Variants in NBAS observed in about 807,000 individuals in gnomAD.
NBAS encodes NAG/BC035112 fusion.
In NBAS, 219 loss-of-function variants were observed where a neutral mutation model predicts 302.5. That is an observed-to-expected ratio of 0.72 (90% CI 0.65 to 0.81). NBAS has a LOEUF of 0.81. Among genes scored for constraint, NBAS ranks in the 30% least tolerant of loss-of-function variants. The pLI is 0.00. For missense variants in NBAS, 2,932 were observed against 2,841.6 expected, an observed-to-expected ratio of 1.03 and a Z score of -0.72; for synonymous variants, 1,118 against 1,021.6, an observed-to-expected ratio of 1.09 and a Z score of -1.80.
At chr2:15,499,590 C>T (rs1345591638) in intron 11 of NBAS, among the ~76,000 whole-genome samples, 1 of 151,962 alleles carries the variant, frequency 6.6e-6, no homozygotes, top group East Asian at 1.9e-4. Context: ...TAGAAGGGAA[C>T]AACACATACT....
At chr2:14,975,012 TG>T in the NBAS span, among the ~76,000 whole-genome samples, 1 of 152,180 alleles carries the variant, frequency 6.6e-6, no homozygotes, top group South Asian at 2.1e-4. Context: ...GGAATTCGGC[TG>T]GGTTGGCCCC....
At chr2:15,253,387 G>A (rs909216779) in intron 44 of NBAS, among the ~76,000 whole-genome samples, 18 of 152,218 alleles carry the variant, frequency 1.2e-4, no homozygotes, top group African/African-American at 4.3e-4. Context: ...GCAAATGTGT[G>A]TATGCGTGTG....
chr2:15,199,896 A>ATTTTTTT (rs35760010), intron 48 of NBAS, among the ~76,000 whole-genome samples: 71 of 121,448 alleles, frequency 5.8e-4, no homozygotes, highest in Non-Finnish European at 1.0e-3. Context: ...AGAAAGCTGG[A>ATTTTTTT]TTTTTTTTTT....
rs78435282 is a variant in NBAS at position 15,361,197 on chromosome 2, T to C, written c.3818-4781A>G. 4.6e-3 allele frequency among the ~76,000 whole-genome samples: 696 copies of C among 152,294 alleles called. 2 individuals are homozygous for C. Among genetic ancestry groups the C allele is most frequent in the Non-Finnish European group, 7.6e-3 (516 of 68,024 alleles). Reference sequence around the variant, plus strand: ...AATTTCATGTACCATTGCTGTGCAGTACGACTGTAAATTCTCAATTAAACA... The same window carrying C: ...AATTTCATGTACCATTGCTGTGCAGCACGACTGTAAATTCTCAATTAAACA... On this transcript the variant is annotated intron_variant, in intron 32 of 51. Coordinates refer to ENST00000281513, the MANE Select transcript of NBAS (RefSeq NM_015909.4).
At chr2:14,926,353 A>C in the NBAS span, among the ~76,000 whole-genome samples, 1 of 152,152 alleles carries the variant, frequency 6.6e-6, no homozygotes, top group African/African-American at 2.4e-5. Flanking sequence ...TCAAAGAGCA[A>C]CAAAGTCAGC....
the NBAS span, among the ~76,000 whole-genome samples, chr2:15,018,535 A>C: frequency 6.6e-6 from 1 of 152,088 alleles, no homozygotes; most frequent in Non-Finnish European, 1.5e-5. Flanking sequence ...TTATACACAT[A>C]ATAATTTCTG....
intron 21 of NBAS, among the ~76,000 whole-genome samples, chr2:15,435,495 T>C (rs949988778): frequency 3.3e-5 from 5 of 152,296 alleles, no homozygotes; most frequent in East Asian, 3.9e-4. Context: ...CCCTGAGAGA[T>C]AGACAATATT....
chr2:15,259,106 T>C (rs541714640), intron 44 of NBAS, among the ~76,000 whole-genome samples: 1 of 152,316 alleles, frequency 6.6e-6, no homozygotes, highest in Non-Finnish European at 1.5e-5. Context: ...TGATCAAATA[T>C]ATGCTGCAAT....
the NBAS span, among the ~76,000 whole-genome samples, chr2:14,842,869 T>C: frequency 7.0e-6 from 1 of 143,756 alleles, no homozygotes; most frequent in Non-Finnish European, 1.5e-5. Context: ...AAAAAACATA[T>C]ACAGCAATAT....
At chr2:15,028,927 G>C in the NBAS span, among the ~76,000 whole-genome samples, 1 of 152,052 alleles carries the variant, frequency 6.6e-6, no homozygotes. Flanking sequence ...AATGTGACTG[G>C]AATAACAGCA....
At chr2:15,207,793 A>G (rs1666216300) in intron 48 of NBAS, among the ~76,000 whole-genome samples, 1 of 152,206 alleles carries the variant, frequency 6.6e-6, no homozygotes, top group African/African-American at 2.4e-5. Flanking sequence ...GGGCCTCCCA[A>G]GCCATGCAGA....
chr2:15,299,882 A>G (rs559813206), intron 40 of NBAS, among the ~76,000 whole-genome samples: 62 of 152,340 alleles, frequency 4.1e-4, no homozygotes, highest in African/African-American at 1.5e-3. Context: ...CTGACTTATT[A>G]TTATATACTA....
chr2:15,064,246 A>G, the NBAS span, among the ~76,000 whole-genome samples: 1 of 152,034 alleles, frequency 6.6e-6, no homozygotes, highest in South Asian at 2.1e-4. Context: ...GGTTTCCTGA[A>G]AAGTTAAACA....
At chr2:14,991,371 G>A in the NBAS span, among the ~76,000 whole-genome samples, 1 of 152,124 alleles carries the variant, frequency 6.6e-6, no homozygotes, top group Non-Finnish European at 1.5e-5. Flanking sequence ...TCCCACGTTG[G>A]AGGGAACTAA....
chr2:15,161,116 A>G, the NBAS span, among the ~76,000 whole-genome samples: 3 of 152,162 alleles, frequency 2.0e-5, no homozygotes, highest in African/African-American at 4.8e-5. Flanking sequence ...TGGAATCAGA[A>G]TGATGTGAGT....
intron 6 of NBAS, among the ~76,000 whole-genome samples, chr2:15,541,462 T>G (rs1233973750): frequency 6.6e-6 from 1 of 152,170 alleles, no homozygotes; most frequent in Non-Finnish European, 1.5e-5. Flanking sequence ...TGTGTAGAGT[T>G]CAGACTTCCC....
chr2:15,248,610 CAAT>C, intron 44 of NBAS, among the ~76,000 whole-genome samples: 1 of 152,142 alleles, frequency 6.6e-6, no homozygotes, highest in East Asian at 1.9e-4. Flanking sequence ...CAAATAGATG[CAAT>C]AAAAAGTGAT....
chr2:14,957,278 C>CGTGTGT, the NBAS span, among the ~76,000 whole-genome samples: 3,022 of 147,548 alleles, frequency 0.02, 85 homozygotes, highest in African/African-American at 0.065. Flanking sequence ...TATACATATA[C>CGTGTGT]GTGTGTGTGT....
At chr2:15,405,488 T>C (rs900807941) in intron 25 of NBAS, among the ~76,000 whole-genome samples, 3 of 152,214 alleles carry the variant, frequency 2.0e-5, no homozygotes, top group Non-Finnish European at 4.4e-5. Context: ...ACTTTTATAC[T>C]GTCATTTGCC....
Sources: gnomAD v4.1 joint callset for allele counts (sites outside exome capture counted in the v4.1 genomes callset) on GRCh38, gnomAD v4.1.1 for gene constraint, MANE v1.5 for transcripts, NCBI Gene and HGNC (gene_info 2026-07-23, HGNC 2026-07-21) for gene names.